The following KANSL3 variants were observed in gnomAD, a reference collection of about 807,000 sequenced individuals.
The protein encoded by KANSL3 is KAT8 regulatory NSL complex subunit 3, also known as NSL complex protein NSL3.
Under a neutral mutation model 89.2 loss-of-function variants are expected in KANSL3, and 16 were observed. That is an observed-to-expected ratio of 0.18 (90% CI 0.12 to 0.27). KANSL3 has a LOEUF of 0.27. Ranked by LOEUF, KANSL3 falls within the 10% of genes least tolerant of loss-of-function variation. The pLI is 1.00. For synonymous variants in KANSL3, 385 were observed against 419.7 expected, an observed-to-expected ratio of 0.92 and a Z score of 1.01; for missense variants, 879 against 1,110.6, an observed-to-expected ratio of 0.79 and a Z score of 2.96.
At chr2:96,598,823 T>C (rs1264156836) in intron 20 of KANSL3, among the ~76,000 whole-genome samples, 4 of 135,242 alleles carry the variant, frequency 3.0e-5, no homozygotes, top group Admixed American at 9.0e-5. Context: ...GGCAAGAGAA[T>C]AGCTTGAACT....
the KANSL3 span, among the ~76,000 whole-genome samples, chr2:96,585,451 A>AT: frequency 6.6e-6 from 1 of 152,244 alleles, no homozygotes; most frequent in Non-Finnish European, 1.5e-5. Context: ...GAGAATGGCC[A>AT]TAACTAAAAA....
chr2:96,633,597 G>A (rs1311950483), intron 2 of KANSL3, among the ~76,000 whole-genome samples: 1 of 148,812 alleles, frequency 6.7e-6, no homozygotes, highest in East Asian at 2.0e-4. Flanking sequence ...CGGACATGGT[G>A]GCTCATGCCG....
chr2:96,585,525 C>G, the KANSL3 span, among the ~76,000 whole-genome samples: 1 of 152,130 alleles, frequency 6.6e-6, no homozygotes, highest in East Asian at 1.9e-4. Flanking sequence ...GGAATGTAAA[C>G]TAGTACAATC....
chr2:96,605,605 T>C (rs940462700), intron 14 of KANSL3, 94 bp from the exon 15 acceptor site: 44 of 1,048,978 alleles, frequency 4.2e-5, no homozygotes, highest in Non-Finnish European at 5.7e-5. Flanking sequence ...ATGTGTAGAA[T>C]GTAGAACACA....
intron 5 of KANSL3, among the ~76,000 whole-genome samples, chr2:96,616,705 T>C (rs935269297): frequency 1.3e-5 from 2 of 152,218 alleles, no homozygotes; most frequent in African/African-American, 2.4e-5. Context: ...CCAGAGAGGA[T>C]GTTGCCTTGA....
At chr2:96,612,179 G>A (rs1036371114) in intron 9 of KANSL3, 103 bp downstream of exon 9, 2 of 785,830 alleles carry the variant, frequency 2.5e-6, no homozygotes, top group East Asian at 2.5e-5. Context: ...TATAGGTAAA[G>A]TATCTAGCGC....
At chr2:96,611,007 T>A in intron 10 of KANSL3, 57 bp downstream of exon 10, 1 of 1,584,630 alleles carries the variant, frequency 6.3e-7, no homozygotes, top group East Asian at 2.2e-5. Flanking sequence ...GGACAAGGCA[T>A]GCACACTCGC....
At chr2:96,605,560 A>G in intron 14 of KANSL3, 49 bp from the exon 15 acceptor site, 3 of 1,487,458 alleles carry the variant, frequency 2.0e-6, no homozygotes, top group South Asian at 2.3e-5. Flanking sequence ...AAAAATCCCA[A>G]CAGACACTCA....
At chr2:96,625,664 A>G (rs1186055753) in intron 3 of KANSL3, among the ~76,000 whole-genome samples, 1 of 152,224 alleles carries the variant, frequency 6.6e-6, no homozygotes, top group African/African-American at 2.4e-5. Context: ...GCTGAAATTA[A>G]ATTTTAAAAC....
At chr2:96,615,266 C>T (rs1274487358) in intron 5 of KANSL3, 1 of 157,366 alleles carries the variant, frequency 6.4e-6, no homozygotes, top group Non-Finnish European at 1.4e-5. Context: ...CCCTAAATTT[C>T]CTCAATGAGT....
downstream of KANSL3, among the ~76,000 whole-genome samples, chr2:96,588,511 A>G (rs1250379189): frequency 6.6e-6 from 1 of 152,242 alleles, no homozygotes; most frequent in Non-Finnish European, 1.5e-5. Flanking sequence ...GGAAATGGTA[A>G]AAGAAGGAAT....
At chr2:96,627,959 A>G (rs2072687759) in intron 3 of KANSL3, 1 of 1,289,940 alleles carries the variant, frequency 7.8e-7, no homozygotes, top group South Asian at 1.2e-5. Flanking sequence ...CCAATGAGAG[A>G]AGGCCTCCAA....
chr2:96,591,827 G>A (rs967105129), downstream of KANSL3, among the ~76,000 whole-genome samples: 5 of 150,504 alleles, frequency 3.3e-5, no homozygotes, highest in Non-Finnish European at 2.9e-5. Context: ...CTGGATCCCG[G>A]CAAGTCCAAG....
At chr2:96,607,055 G>C in intron 14 of KANSL3, 2 of 1,281,414 alleles carry the variant, frequency 1.6e-6, no homozygotes, top group South Asian at 1.2e-5. Context: ...GTGCTGGAAT[G>C]AATCAGAAAG....
intron 2 of KANSL3, among the ~76,000 whole-genome samples, chr2:96,635,874 G>A (rs990084093): frequency 5.3e-5 from 8 of 151,986 alleles, no homozygotes; most frequent in Non-Finnish European, 1.2e-4. Context: ...CACGCCGGTA[G>A]TCCCAGCTAC....
intron 5 of KANSL3, chr2:96,615,596 A>G (rs994278843): frequency 9.4e-7 from 1 of 1,060,918 alleles, no homozygotes; most frequent in Non-Finnish European, 1.3e-6. Context: ...CAGAGAAAGA[A>G]AAAGGTTTTG....
intron 14 of KANSL3, chr2:96,607,091 G>A (rs1386631813): frequency 8.4e-7 from 1 of 1,188,098 alleles, no homozygotes; most frequent in Non-Finnish European, 1.1e-6. Context: ...GCCAGCCAGA[G>A]AAGGGAGAAA....
chr2:96,628,710 GA>G (rs1347210031), intron 3 of KANSL3: 1 of 151,714 alleles, frequency 6.6e-6, no homozygotes, highest in East Asian at 1.9e-4. Flanking sequence ...AGTCTCTAAT[GA>G]CTTTGATAAG....
At chr2:96,626,787 A>G (rs569231656) in intron 3 of KANSL3, among the ~76,000 whole-genome samples, 2 of 152,220 alleles carry the variant, frequency 1.3e-5, no homozygotes, top group Non-Finnish European at 2.9e-5. Flanking sequence ...TCTAAGTCAC[A>G]TGCCATGGCA....
Sources: allele counts gnomAD v4.1 joint callset (sites outside exome capture counted in the v4.1 genomes callset), GRCh38; gene constraint gnomAD v4.1.1; transcripts MANE v1.5; gene names NCBI Gene and HGNC (gene_info 2026-07-23, HGNC 2026-07-21).